The following MALT1 variants were observed in gnomAD, a reference collection of about 807,000 sequenced individuals.
The protein encoded by MALT1 is mucosa-associated lymphoid tissue lymphoma translocation protein 1.
In MALT1, 36 loss-of-function variants were observed where a neutral mutation model predicts 85.5. The observed-to-expected ratio is 0.42, with a 90% CI of 0.32 to 0.56. MALT1 has a LOEUF of 0.56. MALT1 is among the 20% of genes least tolerant of loss of function. MALT1 has a pLI of 0.10. For missense variants in MALT1, 716 were observed against 981.6 expected (o/e 0.73, Z 3.62); for synonymous variants, 359 against 361.3 (o/e 0.99, Z 0.07).
chr18:58,732,911 TATTTA>T (rs1200107198), intron 10 of MALT1, among the ~76,000 whole-genome samples: 1 of 145,482 alleles, frequency 6.9e-6, no homozygotes, highest in Non-Finnish European at 1.5e-5. Context: ...GTAATTTATT[TATTTA>T]TTTATTTATT....
intron 4 of MALT1, among the ~76,000 whole-genome samples, chr18:58,706,245 C>T (rs544988924): frequency 2.9e-4 from 44 of 152,282 alleles, no homozygotes; most frequent in African/African-American, 8.2e-4. Flanking sequence ...AAACCTCTGC[C>T]GCCCAGATTC....
chr18:58,735,422 CTTA>C (rs1274718825), intron 13 of MALT1, 93 bp downstream of exon 13: 10 of 1,365,280 alleles, frequency 7.3e-6, no homozygotes, highest in South Asian at 3.0e-5. Flanking sequence ...TTGTTTTATT[CTTA>C]TTATGTGGGT....
At chr18:58,673,155 A>G (rs773213400) in intron 1 of MALT1, among the ~76,000 whole-genome samples, 25 of 151,354 alleles carry the variant, frequency 1.7e-4, no homozygotes, top group Non-Finnish European at 3.5e-4. Flanking sequence ...TATAGAGGTT[A>G]GTAAATACTT....
At chr18:58,698,309 C>T (rs1171579892) in intron 3 of MALT1, among the ~76,000 whole-genome samples, 2 of 152,082 alleles carry the variant, frequency 1.3e-5, no homozygotes, top group Non-Finnish European at 2.9e-5. Flanking sequence ...TCGTGATCCG[C>T]CTGCCTCAGC....
chr18:58,747,377 TAATA>T, intron 16 of MALT1, 24 bp from the exon 17 acceptor site: 1 of 1,486,056 alleles, frequency 6.7e-7, no homozygotes. Flanking sequence ...TTGATGCCAA[TAATA>T]AACCAGATTT....
chr18:58,691,317 G>T, intron 2 of MALT1: 1 of 828,504 alleles, frequency 1.2e-6, no homozygotes, highest in Admixed American at 2.0e-5. Flanking sequence ...CCTTCAACCA[G>T]ATCAGCTGTG....
At chr18:58,685,015 T>A (rs1369033519) in intron 2 of MALT1, among the ~76,000 whole-genome samples, 1 of 152,056 alleles carries the variant, frequency 6.6e-6, no homozygotes, top group East Asian at 1.9e-4. Context: ...TAGGTCATAG[T>A]TTAGTAGGGG....
chr18:58,724,074 A>C (rs1042554793), intron 10 of MALT1, among the ~76,000 whole-genome samples: 1 of 152,226 alleles, frequency 6.6e-6, no homozygotes, highest in Non-Finnish European at 1.5e-5. Flanking sequence ...ATGCAATGAT[A>C]AACAAAAAGT....
At chr18:58,736,752 C>T (rs1241482175) in intron 13 of MALT1, among the ~76,000 whole-genome samples, 1 of 152,154 alleles carries the variant, frequency 6.6e-6, no homozygotes, top group Admixed American at 6.5e-5. Flanking sequence ...CCAGAATTGC[C>T]CAGGCAGGAA....
intron 2 of MALT1, among the ~76,000 whole-genome samples, chr18:58,689,570 C>T (rs149673532): frequency 2.2e-4 from 34 of 152,326 alleles, no homozygotes; most frequent in African/African-American, 7.5e-4. Flanking sequence ...CCATCAAGGT[C>T]CTTGGCCTTG....
chr18:58,671,776 CT>C lies in MALT1; in HGVS notation c.134del (p.Leu45ArgfsTer28). On this transcript the variant is annotated frameshift_variant, in exon 1 of 17. Transcript: ENST00000649217. LOFTEE classifies it high-confidence loss of function. ...EPLLRRLSEL[L>X]DQAPEGRGWR... ...GCTGCTGCGGAGGCTCAGCGAGCTCCTGGATCAGGCGCCCGAGGGCCGGGGC... is the reference window on the plus strand; with the variant it reads ...GCTGCTGCGGAGGCTCAGCGAGCTCCGGATCAGGCGCCCGAGGGCCGGGGC... The C allele has an allele frequency of 8.0e-7, 1 of 1,255,616 alleles. No homozygotes were observed. Among genetic ancestry groups the C allele is most frequent in the Non-Finnish European group, 1.0e-6 (1 of 1,001,446 alleles). The allele number at this position is 1,255,616 out of a possible 1,614,324, so 77.8% of individuals were successfully genotyped here. A position where few individuals can be genotyped will look rare whatever the true frequency, so the allele number is the denominator to read the frequency against.
intron 7 of MALT1, among the ~76,000 whole-genome samples, chr18:58,711,618 G>A (rs2054832108): frequency 6.6e-6 from 1 of 152,028 alleles, no homozygotes; most frequent in Non-Finnish European, 1.5e-5. Flanking sequence ...ATTAAAATTT[G>A]GATCATCTTT....
chr18:58,736,235 C>T (rs978708184), intron 13 of MALT1, among the ~76,000 whole-genome samples: 2 of 152,130 alleles, frequency 1.3e-5, no homozygotes, highest in Admixed American at 6.5e-5. Flanking sequence ...GGTGTTTGAC[C>T]AACTGTCAGC....
At chr18:58,701,020 C>G (rs1452956396) in intron 4 of MALT1, among the ~76,000 whole-genome samples, 1 of 151,866 alleles carries the variant, frequency 6.6e-6, no homozygotes, top group African/African-American at 2.4e-5. Context: ...CTTGAACTCC[C>G]GACCTCAGGT....
chr18:58,744,049 G>A (rs1035755042), intron 14 of MALT1, among the ~76,000 whole-genome samples: 1 of 137,190 alleles, frequency 7.3e-6, no homozygotes, highest in Non-Finnish European at 1.6e-5. Context: ...TAAAAATTCT[G>A]GTCATATAAA....
At chr18:58,737,803 G>A (rs1308738402) in intron 13 of MALT1, among the ~76,000 whole-genome samples, 3 of 152,016 alleles carry the variant, frequency 2.0e-5, no homozygotes, top group African/African-American at 4.8e-5. Context: ...GGCCTGTCTC[G>A]AACTCCTGGC....
At chr18:58,698,847 G>A (rs754935754) in intron 3 of MALT1, among the ~76,000 whole-genome samples, 1 of 152,198 alleles carries the variant, frequency 6.6e-6, no homozygotes, top group African/African-American at 2.4e-5. Flanking sequence ...AAAGTTTGTG[G>A]TAATGTTGTT....
At chr18:58,733,067 C>T (rs139184735) in intron 10 of MALT1, among the ~76,000 whole-genome samples, 133 of 152,100 alleles carry the variant, frequency 8.7e-4, no homozygotes, top group Middle Eastern at 6.8e-3. Context: ...CCCACCACCA[C>T]GCCCAGCCAA....
intron 4 of MALT1, among the ~76,000 whole-genome samples, chr18:58,707,864 G>A (rs1390743872): frequency 6.6e-6 from 1 of 152,166 alleles, no homozygotes; most frequent in Non-Finnish European, 1.5e-5. Flanking sequence ...GGTAGAATGA[G>A]GATTTCCCTT....
Sources: gnomAD v4.1 joint callset for allele counts (sites outside exome capture counted in the v4.1 genomes callset) on GRCh38, gnomAD v4.1.1 for gene constraint, MANE v1.5 for transcripts, NCBI Gene and HGNC (gene_info 2026-07-23, HGNC 2026-07-21) for gene names.